NAA11: variants seen among roughly 807,000 people sequenced by gnomAD.
NAA11 encodes the protein N-alpha-acetyltransferase 11, NatA catalytic subunit.
Under a neutral mutation model 16.1 loss-of-function variants are expected in NAA11, and 15 were observed. The observed-to-expected ratio is 0.93, with a 90% CI of 0.62 to 1.44. The LOEUF is 1.44. Among genes scored for constraint, NAA11 ranks in the 40% most tolerant of loss-of-function variants. The pLI is 0.00. For missense variants in NAA11, 298 were observed against 291.3 expected, an observed-to-expected ratio of 1.02 and a Z score of -0.17; for synonymous variants, 122 against 112.4, an observed-to-expected ratio of 1.09 and a Z score of -0.54.
At chr4:79,212,324 G>A in the NAA11 span, among the ~76,000 whole-genome samples, 1 of 152,042 alleles carries the variant, frequency 6.6e-6, no homozygotes, top group South Asian at 2.1e-4. Flanking sequence ...ATTTTACTCT[G>A]GGCCATTATT....
chr4:79,264,632 A>G (rs915578347), intron 2 of NAA11, among the ~76,000 whole-genome samples: 2 of 152,258 alleles, frequency 1.3e-5, no homozygotes, highest in African/African-American at 4.8e-5. Flanking sequence ...TCTTTATCTC[A>G]GCATTTGGCA....
intron 1 of NAA11, among the ~76,000 whole-genome samples, chr4:79,294,903 T>C (rs946576306): frequency 6.6e-6 from 1 of 152,228 alleles, no homozygotes; most frequent in Non-Finnish European, 1.5e-5. Flanking sequence ...TTTACGCCTA[T>C]AGTTCATCCC....
intron 1 of NAA11, among the ~76,000 whole-genome samples, chr4:79,303,070 GGCCTTTTATATATATA>G (rs1723439646): frequency 1.0e-5 from 1 of 97,528 alleles, no homozygotes; most frequent in African/African-American, 4.5e-5. Context: ...GTTCTCTTGA[GGCCTTTTATATATATA>G]TATATATATA....
intron 1 of NAA11, among the ~76,000 whole-genome samples, chr4:79,311,539 C>A (rs1300196384): frequency 2.0e-5 from 3 of 152,140 alleles, no homozygotes; most frequent in African/African-American, 7.2e-5. Context: ...TCATGGCGCT[C>A]CTATTAGCCT....
At chr4:79,188,517 G>A in the NAA11 span, among the ~76,000 whole-genome samples, 1 of 151,786 alleles carries the variant, frequency 6.6e-6, no homozygotes, top group Non-Finnish European at 1.5e-5. Flanking sequence ...GCTGAGGGGC[G>A]GAGCTTGCAG....
chr4:79,188,421 T>G, the NAA11 span, among the ~76,000 whole-genome samples: 4 of 151,734 alleles, frequency 2.6e-5, no homozygotes, highest in African/African-American at 9.7e-5. Context: ...CCATCTCTAC[T>G]AAAAATACAA....
chr4:79,160,176 G>C, the NAA11 span, among the ~76,000 whole-genome samples: 1 of 151,964 alleles, frequency 6.6e-6, no homozygotes, highest in African/African-American at 2.4e-5. Flanking sequence ...ATTTTTAGTA[G>C]AGATGGGGTT....
chr4:79,190,468 T>A, the NAA11 span, among the ~76,000 whole-genome samples: 53 of 150,112 alleles, frequency 3.5e-4, 1 homozygote, highest in African/African-American at 1.3e-3. Context: ...TTTTTTTTTT[T>A]AAAAAAAGCA....
At chr4:79,288,856 T>C (rs1308247663) in intron 2 of NAA11, among the ~76,000 whole-genome samples, 2 of 152,226 alleles carry the variant, frequency 1.3e-5, no homozygotes, top group East Asian at 1.9e-4. Flanking sequence ...TTTTGGTGTA[T>C]ATCCTCTGAA....
At chr4:79,317,929 T>G (rs1262687888) in intron 1 of NAA11, 138 bp from the exon 2 acceptor site, 4 of 152,148 alleles carry the variant, frequency 2.6e-5, no homozygotes, top group Non-Finnish European at 5.9e-5. Context: ...ACTAGATATA[T>G]CTCCATGGCA....
At chr4:79,197,475 A>T in the NAA11 span, 1 of 152,048 alleles carries the variant, frequency 6.6e-6, no homozygotes, top group African/African-American at 2.4e-5. Flanking sequence ...GGACTTGGCC[A>T]TGTGACTTGT....
At chr4:79,231,524 T>C (rs1295581327) in intron 2 of NAA11, among the ~76,000 whole-genome samples, 2 of 151,918 alleles carry the variant, frequency 1.3e-5, no homozygotes, top group African/African-American at 4.8e-5. Context: ...CAAAAAGGTA[T>C]TGGTCCTTTT....
At chr4:79,288,750 C>T (rs1369530045) in intron 2 of NAA11, among the ~76,000 whole-genome samples, 1 of 152,040 alleles carries the variant, frequency 6.6e-6, no homozygotes. Context: ...CTAAACAATA[C>T]ATGTTTGTTC....
At chr4:79,220,249 C>A in the NAA11 span, among the ~76,000 whole-genome samples, 2 of 152,170 alleles carry the variant, frequency 1.3e-5, no homozygotes, top group Non-Finnish European at 2.9e-5. Flanking sequence ...GGCGCCACTA[C>A]GCCCGGCTAA....
At chr4:79,169,410 A>G in the NAA11 span, among the ~76,000 whole-genome samples, 1 of 152,336 alleles carries the variant, frequency 6.6e-6, no homozygotes, top group South Asian at 2.1e-4. Flanking sequence ...AAACAGATAT[A>G]TAGATCAATG....
the NAA11 span, among the ~76,000 whole-genome samples, chr4:79,158,537 A>G: frequency 2.0e-5 from 3 of 151,956 alleles, no homozygotes; most frequent in Non-Finnish European, 4.4e-5. Context: ...ACATACTGCC[A>G]AAAGCAATCT....
chr4:79,270,046 C>T (rs1489054695), intron 2 of NAA11, among the ~76,000 whole-genome samples: 1 of 151,062 alleles, frequency 6.6e-6, no homozygotes, highest in African/African-American at 2.4e-5. Flanking sequence ...GGGCTCTGTT[C>T]TGTTCCATTG....
the NAA11 span, among the ~76,000 whole-genome samples, chr4:79,220,202 C>T: frequency 6.6e-6 from 1 of 152,222 alleles, no homozygotes; most frequent in Admixed American, 6.5e-5. Flanking sequence ...AAGTGATTCT[C>T]CTGCCTCAGC....
chr4:79,195,356 T>C, the NAA11 span, among the ~76,000 whole-genome samples: 4 of 152,126 alleles, frequency 2.6e-5, no homozygotes, highest in African/African-American at 9.7e-5. Context: ...GTGAACTTAC[T>C]CAGTTTGTAT....
Sources: gnomAD v4.1 joint callset for allele counts (sites outside exome capture counted in the v4.1 genomes callset) on GRCh38, gnomAD v4.1.1 for gene constraint, MANE v1.5 for transcripts, NCBI Gene and HGNC (gene_info 2026-07-23, HGNC 2026-07-21) for gene names.